EFCAB6: variants seen among roughly 807,000 people sequenced by gnomAD.
EFCAB6 encodes EF-hand calcium-binding domain-containing protein 6.
A neutral mutation model predicts 169.8 loss-of-function variants in EFCAB6; 156 were observed. The ratio of observed to expected loss-of-function variants is 0.92; its 90% CI spans 0.81 to 1.05. EFCAB6 has a LOEUF of 1.05. Ranked by LOEUF, EFCAB6 falls within the 50% of genes least tolerant of loss-of-function variation. The pLI, the probability that EFCAB6 is intolerant of heterozygous loss-of-function variation, is 0.00. For synonymous variants in EFCAB6, 698 were observed against 676.4 expected (o/e 1.03, Z -0.50); for missense variants, 1,800 against 1,829.1 (o/e 0.98, Z 0.29).
chr22:43,547,477 C>A (rs562327539), intron 27 of EFCAB6, among the ~76,000 whole-genome samples: 2 of 152,276 alleles, frequency 1.3e-5, no homozygotes, highest in South Asian at 4.1e-4. Context: ...CAGTGGCTCA[C>A]GCCTGTAATC....
At chr22:43,703,777 A>G (rs1018719593) in intron 10 of EFCAB6, among the ~76,000 whole-genome samples, 1 of 152,114 alleles carries the variant, frequency 6.6e-6, no homozygotes, top group African/African-American at 2.4e-5. Context: ...GAAGGAATCA[A>G]TGAGCTTGAA....
At chr22:43,626,331 G>GA (rs1320278424) in intron 20 of EFCAB6, 116 bp downstream of exon 20, 16 of 1,079,232 alleles carry the variant, frequency 1.5e-5, no homozygotes, top group Non-Finnish European at 1.7e-5. Context: ...CCAAGAAAAA[G>GA]AAAAAAATAA....
chr22:43,771,228 C>T (rs977170046), intron 4 of EFCAB6, among the ~76,000 whole-genome samples: 2 of 152,038 alleles, frequency 1.3e-5, no homozygotes, highest in African/African-American at 2.4e-5. Flanking sequence ...GTCAGGAACT[C>T]GAGACCAGCC....
In EFCAB6 at chr22:43,602,566, C is replaced by T. The variant is rs544304428; in HGVS notation, c.2682-2303G>A. ...CCATGCCTCTCTCCTTGAACTACAT[C>T]AGGACTCTAACTAGCCTTGTGGCAC... On this transcript the variant is annotated intron_variant, in intron 22 of 31. Transcript: ENST00000262726. Among the ~76,000 whole-genome samples, 34 of 152,248 alleles carry T rather than the reference C, an allele frequency of 2.2e-4. No homozygotes were observed. The South Asian group carries it at 7.0e-3, about 32-fold the overall frequency.
rs923421265 is a variant in EFCAB6 at position 43,696,683 on chromosome 22, G to T, written c.1032-9102C>A. On this transcript the variant is annotated intron_variant, in intron 10 of 31. Coordinates refer to ENST00000262726, the MANE Select transcript of EFCAB6 (RefSeq NM_022785.4). ...AATCTTTAAAACATGGTAAGTCAAA[G>T]TGGTCAAACACAAAAGACTACCACT... Among the ~76,000 whole-genome samples, 6 of 152,162 alleles carry T rather than the reference G, an allele frequency of 3.9e-5. No homozygotes were observed. In the South Asian group the frequency reaches 6.2e-4, roughly 16 times the overall value.
chr22:43,590,207 G>A lies in EFCAB6; in HGVS notation c.2899C>T (p.Gln967Ter). Reference sequence around the variant, plus strand: ...TTGGTGAATGCTTTGCTGATATCTTGATGGCGGTCCATAAGCTTATCCCTG... The same window carrying A: ...TTGGTGAATGCTTTGCTGATATCTTAATGGCGGTCCATAAGCTTATCCCTG... ...AARDKLMDRH[Q>*]DISKAFTKTD... Residue 967 changes from glutamine to a stop codon, truncating the protein, a stop_gained, in exon 24 of 32, where the codon CAA (glutamine) becomes TAA (stop). Coordinates refer to ENST00000262726, the MANE Select transcript of EFCAB6 (RefSeq NM_022785.4). LOFTEE classifies it high-confidence loss of function. 1 of 1,613,908 alleles carries A rather than the reference G, an allele frequency of 6.2e-7. No individual in the cohort carries two copies. The highest frequency in any genetic ancestry group is 1.3e-5 in the African/African-American group (1 of 75,016).
intron 2 of EFCAB6, among the ~76,000 whole-genome samples, chr22:43,784,639 G>GTGTA (rs1556410503): frequency 3.1e-5 from 1 of 32,650 alleles, no homozygotes; most frequent in Non-Finnish European, 5.7e-5. Flanking sequence ...ATATGTATAT[G>GTGTA]TACACATATA....
intron 27 of EFCAB6, among the ~76,000 whole-genome samples, chr22:43,547,765 CA>C (rs1198557143): frequency 6.8e-6 from 1 of 146,530 alleles, no homozygotes; most frequent in African/African-American, 2.5e-5. Flanking sequence ...AAAAAAAAAA[CA>C]TAATCCAAAA....
intron 9 of EFCAB6, among the ~76,000 whole-genome samples, chr22:43,716,009 T>C (rs946507108): frequency 2.0e-5 from 3 of 152,254 alleles, no homozygotes; most frequent in African/African-American, 7.2e-5. Flanking sequence ...CATATGTTTA[T>C]ACAAAGTTTT....
intron 8 of EFCAB6, 24 bp from the exon 9 acceptor site, chr22:43,716,996 C>T (rs2059354112): frequency 2.7e-6 from 4 of 1,459,850 alleles, no homozygotes; most frequent in Non-Finnish European, 3.6e-6. Context: ...ATAGCTTCGG[C>T]TTATCAACAT....
In EFCAB6 at chr22:43,590,182, T is replaced by G. The variant is rs760243234; in HGVS notation, c.2924A>C (p.Lys975Thr). ...GTAGTTGGTTTTGGATTGATCAGTT[T>G]TGGTGAATGCTTTGCTGATATCTTG... ...RHQDISKAFT[K>T]TDQSKTNYIS... is the part of the protein sequence containing the mutation. Residue 975 changes from lysine (K) to threonine (T), a missense_variant, in exon 24 of 32, where the codon AAA becomes ACA. Transcript: ENST00000262726. The G allele has an allele frequency of 1.9e-6, 3 of 1,614,052 alleles. No homozygotes were observed. Among genetic ancestry groups the G allele is most frequent in the Non-Finnish European group, 2.5e-6 (3 of 1,180,030 alleles).
Position 43,595,120 on chromosome 22 carries a change from C to T in EFCAB6, c.2877-4891G>A, listed in dbSNP as rs575119114. Among the ~76,000 whole-genome samples, 21 of 151,208 alleles carry T rather than the reference C, an allele frequency of 1.4e-4. No individual in the cohort carries two copies. In the South Asian group the frequency reaches 4.0e-3, roughly 29 times the overall value. Reference sequence around the variant, plus strand: ...CATACCAAAAATCTATGGGATGCAGCAAAAGCAGTGCTAAGAGGGACATGT... The same window carrying T: ...CATACCAAAAATCTATGGGATGCAGTAAAAGCAGTGCTAAGAGGGACATGT... On this transcript the variant is annotated intron_variant, in intron 23 of 31. Transcript: ENST00000262726.
intron 2 of EFCAB6, among the ~76,000 whole-genome samples, chr22:43,805,492 C>T (rs560939331): frequency 6.6e-5 from 10 of 152,186 alleles, no homozygotes; most frequent in Admixed American, 3.3e-4. Context: ...TATGGAGGAG[C>T]TCAAAAAGTG....
chr22:43,564,264 A>G (rs577601246), intron 26 of EFCAB6, among the ~76,000 whole-genome samples: 5 of 152,102 alleles, frequency 3.3e-5, no homozygotes, highest in Admixed American at 3.3e-4. Context: ...CCTGGCCAAC[A>G]TGGCGAAACC....
intron 20 of EFCAB6, among the ~76,000 whole-genome samples, chr22:43,624,673 T>C (rs936198616): frequency 7.9e-5 from 12 of 152,226 alleles, no homozygotes; most frequent in African/African-American, 2.9e-4. Context: ...CCTCTGTTCC[T>C]GTGGCACTTG....
intron 10 of EFCAB6, among the ~76,000 whole-genome samples, chr22:43,696,928 T>A (rs2058597059): frequency 6.6e-6 from 1 of 152,174 alleles, no homozygotes; most frequent in Non-Finnish European, 1.5e-5. Flanking sequence ...AAAAATGAAT[T>A]TATAATTTAT....
Position 43,669,005 on chromosome 22 carries a change from G to T in EFCAB6, c.1681C>A (p.Leu561Ile). The change falls in exon 16 of 32, where the codon CTT becomes ATT. Residue 561 changes from leucine (L) to isoleucine (I), a missense_variant. Leu to Ile is a conservative substitution (Grantham distance 5). Transcript: ENST00000262726. Reference protein sequence around the residue: ...KIQDIGSGRILYKKLLACIGI... With the variant: ...KIQDIGSGRIIYKKLLACIGI... ...ATGCATGCCAAAAGTTTCTTGTAAA[G>T]GATTCTTCCTGAACCAATGTCCTGA... The T allele has an allele frequency of 2.5e-6, 4 of 1,611,726 alleles. No individual in the cohort carries two copies. Among genetic ancestry groups the T allele is most frequent in the Non-Finnish European group, 3.4e-6 (4 of 1,178,956 alleles).
At chr22:43,613,622 G>T (rs989870912) in intron 21 of EFCAB6, among the ~76,000 whole-genome samples, 18 of 151,970 alleles carry the variant, frequency 1.2e-4, no homozygotes, top group African/African-American at 4.4e-4. Flanking sequence ...GGGTGGAGGG[G>T]GAAAGGAGGG....
rs36058832 is a variant in EFCAB6 at position 43,586,340 on chromosome 22, A to ATTTTTTTTTTTT, written c.3032+3722_3032+3733dup. 6.1e-3 allele frequency among the ~76,000 whole-genome samples: 447 copies of ATTTTTTTTTTTT among 72,874 alleles called. 46 individuals are homozygous for ATTTTTTTTTTTT. The highest frequency in any genetic ancestry group is 7.5e-3 in the African/African-American group (116 of 15,426). 47.8% of individuals were successfully genotyped at this position (72,874 alleles called of 152,430 possible). A position where few individuals can be genotyped will look rare whatever the true frequency, so the allele number is the denominator to read the frequency against. The stretch of plus-strand genomic sequence containing the variant: ...ACTGTAAACTCTTGAGCAACAACTG[A>ATTTTTTTTTTTT]TTTTTTTTTTTTTTTTTTTTTTTTT... On this transcript the variant is annotated intron_variant, in intron 24 of 31. Transcript: ENST00000262726.
Sources: allele counts gnomAD v4.1 joint callset (sites outside exome capture counted in the v4.1 genomes callset), GRCh38; gene constraint gnomAD v4.1.1; transcripts MANE v1.5; gene names NCBI Gene and HGNC (gene_info 2026-07-23, HGNC 2026-07-21).